The following DGKI variants were observed in gnomAD, a reference collection of about 807,000 sequenced individuals.
The protein encoded by DGKI is diacylglycerol kinase iota.
DGKI carries 55 observed loss-of-function variants against 147.5 expected under a neutral mutation model. The ratio of observed to expected loss-of-function variants is 0.37; its 90% CI spans 0.30 to 0.47. The LOEUF is 0.47. Among genes scored for constraint, DGKI ranks in the 20% least tolerant of loss-of-function variants. DGKI has a pLI of 1.00. For synonymous variants in DGKI, 469 were observed against 477.1 expected, an observed-to-expected ratio of 0.98 and a Z score of 0.22; for missense variants, 1,007 against 1,323.8, an observed-to-expected ratio of 0.76 and a Z score of 3.71.
At chr7:137,803,585 G>A (rs1171254470) in intron 1 of DGKI, among the ~76,000 whole-genome samples, 1 of 151,988 alleles carries the variant, frequency 6.6e-6, no homozygotes, top group Non-Finnish European at 1.5e-5. Context: ...TTTATATACA[G>A]GCATCTTGAC....
intron 32 of DGKI, among the ~76,000 whole-genome samples, chr7:137,391,594 G>A (rs1208235541): frequency 3.9e-5 from 6 of 151,916 alleles, no homozygotes; most frequent in East Asian, 1.9e-4. Context: ...CACTTTTGAC[G>A]GGTGGGGTTT....
At chr7:137,399,379 C>A (rs1252651094) in intron 30 of DGKI, among the ~76,000 whole-genome samples, 1 of 152,134 alleles carries the variant, frequency 6.6e-6, no homozygotes, top group African/African-American at 2.4e-5. Flanking sequence ...GTTCCTTGGT[C>A]CTGTGATTCT....
chr7:137,451,707 C>T (rs969761902), intron 27 of DGKI, among the ~76,000 whole-genome samples: 6 of 152,142 alleles, frequency 3.9e-5, no homozygotes, highest in African/African-American at 1.4e-4. Flanking sequence ...GTATAATATA[C>T]TTTACAATAG....
chr7:137,639,832 T>C (rs149726717), intron 6 of DGKI, among the ~76,000 whole-genome samples: 3,079 of 152,112 alleles, frequency 0.02, 49 homozygotes, highest in Non-Finnish European at 0.029. Flanking sequence ...CATCCTCTTT[T>C]CTTTTAAAAA....
Position 137,638,476 on chromosome 7 carries a change from GTGTA to G in DGKI, c.804+6992_804+6995del, listed in dbSNP as rs1158180640. Among the ~76,000 whole-genome samples, 34 of 109,288 alleles carry G rather than the reference GTGTA, an allele frequency of 3.1e-4. 4 individuals carry two copies. The highest frequency in any genetic ancestry group is 2.5e-3 in the Admixed American group (28 of 11,290). The allele number at this position is 109,288 out of a possible 152,430, so 71.7% of individuals were successfully genotyped here. A position where few individuals can be genotyped will look rare whatever the true frequency, so the allele number is the denominator to read the frequency against. ...CACATATATATGTGTGTATATATGT[GTGTA>G]TATATATACACACATATATATGTAT... On this transcript the variant is annotated intron_variant, in intron 6 of 32. Transcript: ENST00000614521.
chr7:137,600,660 G>A (rs575671143), intron 10 of DGKI, among the ~76,000 whole-genome samples: 21 of 152,150 alleles, frequency 1.4e-4, no homozygotes, highest in Admixed American at 1.4e-3. Flanking sequence ...ACAGATTATT[G>A]TCTGTATAAT....
At chr7:137,434,747 G>C (rs564656233) in intron 28 of DGKI, among the ~76,000 whole-genome samples, 2 of 151,982 alleles carry the variant, frequency 1.3e-5, no homozygotes, top group Non-Finnish European at 2.9e-5. Context: ...ATTTAGTAAA[G>C]GTAAATGACA....
chr7:137,665,675 G>A (rs1822613539), intron 3 of DGKI, among the ~76,000 whole-genome samples: 1 of 152,160 alleles, frequency 6.6e-6, no homozygotes, highest in Admixed American at 6.5e-5. Context: ...CCCCACCTAG[G>A]CAGGCTCAAT....
chr7:137,727,399 C>G (rs1794747665), intron 1 of DGKI, among the ~76,000 whole-genome samples: 1 of 152,180 alleles, frequency 6.6e-6, no homozygotes, highest in Non-Finnish European at 1.5e-5. Context: ...TTAGGCAATA[C>G]TCACAGAGCC....
rs2128889732 is a variant in DGKI at position 137,383,806 on chromosome 7, T to A, written c.*7414A>T. On this transcript the variant is annotated 3_prime_UTR_variant, in exon 33 of 33. Coordinates refer to ENST00000614521, the MANE Select transcript of DGKI (RefSeq NM_001321708.2). ...CTGCAGAATTTGAAACTAACAGTCC[T>A]ACTTAACCTAACTCCTCTACATATT... The A allele has an allele frequency of 6.6e-6, 1 of 152,214 alleles. No homozygotes were observed. The highest frequency in any genetic ancestry group is 1.9e-4 in the East Asian group (1 of 5,190). The allele number at this position is 152,214 out of a possible 1,614,324, so 9.4% of individuals were successfully genotyped here.
chr7:137,748,892 C>T (rs1795420441), intron 1 of DGKI, among the ~76,000 whole-genome samples: 1 of 152,096 alleles, frequency 6.6e-6, no homozygotes, highest in South Asian at 2.1e-4. Context: ...TTATGATTTA[C>T]AAGTTACTGG....
chr7:137,486,284 A>G lies in DGKI; in HGVS notation c.2329-866T>C, dbSNP rs1815555714. Among the ~76,000 whole-genome samples, 3 of 152,122 alleles carry G rather than the reference A, an allele frequency of 2.0e-5. No individual in the cohort carries two copies. In the South Asian group the frequency reaches 6.2e-4, roughly 31 times the overall value. Reference sequence around the variant, plus strand: ...AGTTAAGTTGGTTTTTAACAAAGTCAATTCATCAATCGTGTATTAATATTA... The same window carrying G: ...AGTTAAGTTGGTTTTTAACAAAGTCGATTCATCAATCGTGTATTAATATTA... On this transcript the variant is annotated intron_variant, in intron 22 of 32. Transcript: ENST00000614521.
At position 137,389,026 on chromosome 7, in the gene DGKI, C is replaced by T. The variant is rs1199188424; in HGVS notation, c.*2194G>A. On this transcript the variant is annotated 3_prime_UTR_variant, in exon 33 of 33. Coordinates refer to ENST00000614521, the MANE Select transcript of DGKI (RefSeq NM_001321708.2). ...GAGTTCTTCATCCCAACAGTAACAG[C>T]TAGATAACTGACTGCTTGGCCAAAC... The T allele has an allele frequency of 1.3e-5, 2 of 152,160 alleles. No homozygotes were observed. Among genetic ancestry groups the T allele is most frequent in the African/African-American group, 4.8e-5 (2 of 41,438 alleles). The allele number at this position is 152,160 out of a possible 1,614,324, so 9.4% of individuals were successfully genotyped here.
At chr7:137,689,436 C>A (rs1823530089) in intron 2 of DGKI, among the ~76,000 whole-genome samples, 1 of 152,178 alleles carries the variant, frequency 6.6e-6, no homozygotes. Context: ...ATGCCAGACC[C>A]ATCTGCCTTT....
chr7:137,722,217 A>C, intron 1 of DGKI: 1 of 1,600,714 alleles, frequency 6.2e-7, no homozygotes, highest in Non-Finnish European at 8.5e-7. Flanking sequence ...CAGCCGCTAA[A>C]TCCAAGGTTG....
In DGKI at chr7:137,387,288, C is replaced by G. The variant is rs1042529359; in HGVS notation, c.*3932G>C. 2.6e-5 allele frequency: 4 copies of G among 152,108 alleles called. No individual in the cohort carries two copies. The highest frequency in any genetic ancestry group is 2.6e-4 in the Admixed American group (4 of 15,260). 9.4% of individuals were successfully genotyped at this position (152,108 alleles called of 1,614,324 possible). Reference sequence around the variant, plus strand: ...CATGCTTCATGGAAGGCAACATAAACAATTACAGGAACTCTTGGTCATGAA... The same window carrying G: ...CATGCTTCATGGAAGGCAACATAAAGAATTACAGGAACTCTTGGTCATGAA... On this transcript the variant is annotated 3_prime_UTR_variant, in exon 33 of 33. Transcript: ENST00000614521.
intron 28 of DGKI, among the ~76,000 whole-genome samples, chr7:137,424,405 G>A (rs1168316845): frequency 3.9e-5 from 6 of 152,112 alleles, no homozygotes; most frequent in African/African-American, 7.2e-5. Flanking sequence ...GAGAGGGGTC[G>A]AGCCAAGGTG....
intron 30 of DGKI, 33 bp downstream of exon 30, chr7:137,407,842 G>A (rs2128898898): frequency 1.4e-5 from 23 of 1,610,408 alleles, no homozygotes; most frequent in Non-Finnish European, 1.9e-5. Flanking sequence ...TCACAGGTAA[G>A]TGATCCTTGG....
intron 28 of DGKI, among the ~76,000 whole-genome samples, chr7:137,443,396 G>C (rs1202782103): frequency 6.6e-6 from 1 of 152,086 alleles, no homozygotes; most frequent in Non-Finnish European, 1.5e-5. Context: ...AAGATACAAA[G>C]GGGCCCCAAA....
Sources: gnomAD v4.1 joint callset for allele counts (sites outside exome capture counted in the v4.1 genomes callset) on GRCh38, gnomAD v4.1.1 for gene constraint, MANE v1.5 for transcripts, NCBI Gene and HGNC (gene_info 2026-07-23, HGNC 2026-07-21) for gene names.